NOP14: variants seen among roughly 807,000 people sequenced by gnomAD.
The protein encoded by NOP14 is nucleolar protein 14.
A neutral mutation model predicts 101.6 loss-of-function variants in NOP14; 57 were observed. The ratio of observed to expected loss-of-function variants is 0.56; its 90% confidence interval spans 0.45 to 0.70. The LOEUF (loss-of-function observed/expected upper bound fraction) is 0.70, where lower values mean the gene tolerates loss of function less well. Among genes scored for constraint, NOP14 ranks in the 30% least tolerant of loss-of-function variants. The pLI, the probability that NOP14 is intolerant of heterozygous loss-of-function variation, is 0.00. For missense variants in NOP14, 1,134 were observed against 1,075.5 expected, an observed-to-expected ratio of 1.05 and a Z score of -0.76; for synonymous variants, 428 against 424.0, an observed-to-expected ratio of 1.01 and a Z score of -0.12.
chr4:2,954,341 G>A lies in NOP14; in HGVS notation c.612+83C>T. Reference sequence around the variant, plus strand: ...TAAAATATTAAACACAGCCTAAAAAGGTACAGGAAAAAAAAGCTCAAACAC... The same window carrying A: ...TAAAATATTAAACACAGCCTAAAAAAGTACAGGAAAAAAAAGCTCAAACAC... On this transcript the variant is annotated intron_variant, in intron 4 of 17. Transcript: ENST00000416614. 16 of 1,479,830 alleles carry A rather than the reference G, an allele frequency of 1.1e-5. No individual in the cohort carries two copies. In the South Asian group the frequency reaches 1.4e-4, roughly 13 times the overall value. 91.7% of individuals were successfully genotyped at this position (1,479,830 alleles called of 1,614,324 possible). A position where few individuals can be genotyped will look rare whatever the true frequency, so the allele number is the denominator to read the frequency against.
chr4:2,955,263 G>A (rs1426644858), intron 3 of NOP14, among the ~76,000 whole-genome samples: 2 of 31,838 alleles, frequency 6.3e-5, no homozygotes, highest in Non-Finnish European at 1.1e-4. Context: ...CCTGCACCAC[G>A]GCGCCCTCTA....
Position 2,942,280 on chromosome 4 carries a change from C to G in NOP14, c.1963G>C (p.Asp655His). ...CTGCTCTGCTGCCACGTGGCCACAT[C>G]CTCTCTAGCAGACACCACGAGCAGT... ...SELLVVSARE[D>H]VATWQQSSLS... Residue 655 changes from aspartate to histidine, a missense_variant, in exon 14 of 18, where the codon GAT (aspartate) becomes CAT (histidine). By Grantham distance (81) the Asp-to-His change is moderately conservative (BLOSUM62 -1). Coordinates refer to ENST00000416614, the MANE Select transcript of NOP14 (RefSeq NM_001291978.2). 6.2e-7 allele frequency: 1 copy of G among 1,614,172 alleles called. No individual in the cohort carries two copies.
At chr4:2,961,982 G>C (rs935674355) in intron 1 of NOP14, among the ~76,000 whole-genome samples, 1 of 152,314 alleles carries the variant, frequency 6.6e-6, no homozygotes, top group African/African-American at 2.4e-5. Flanking sequence ...ACCTGAGCTG[G>C]CCCTTTAGAG....
chr4:2,954,443 G>A lies in NOP14; in HGVS notation c.593C>T (p.Ala198Val). 1 of 1,614,066 alleles carries A rather than the reference G, an allele frequency of 6.2e-7. No homozygotes were observed. Among genetic ancestry groups the A allele is most frequent in the Non-Finnish European group, 8.5e-7 (1 of 1,179,964 alleles). The part of the protein sequence containing the change: ...SRKELIEELI[A>V]KSKQEKRERQ... ...ACCCACCTTCTCTTGTTTTGACTTGGCAATGAGCTCTTCAATCAGCTCTTT... is the reference window on the plus strand; with the variant it reads ...ACCCACCTTCTCTTGTTTTGACTTGACAATGAGCTCTTCAATCAGCTCTTT... The change falls in exon 4 of 18, where the codon GCC (alanine) becomes GTC (valine). Residue 198 changes from alanine to valine, a missense_variant. Physicochemically the swap from Ala to Val is moderately conservative, Grantham distance 64. Transcript: ENST00000416614.
Position 2,957,660 on chromosome 4 carries a change from G to A in NOP14, c.276C>T (p.Asn92=). 2 of 1,614,120 alleles carry A rather than the reference G, an allele frequency of 1.2e-6. No individual in the cohort carries two copies. The highest frequency in any genetic ancestry group is 1.3e-5 in the African/African-American group (1 of 75,034). The part of the protein sequence containing the change: ...VFRDKRFGEY[N]SNMSPEEKMM... ...TCTTCTCCTCGGGGCTCATGTTGCT[G>A]TTGTATTCTCCGAAGCGTTTATCTC... The change falls in exon 2 of 18, where the codon AAC becomes AAT. Residue 92 remains asparagine (N), a synonymous_variant. Transcript: ENST00000416614.
chr4:2,946,140 CACTCCAGA>C (rs1714616329), intron 11 of NOP14, among the ~76,000 whole-genome samples: 4 of 138,766 alleles, frequency 2.9e-5, no homozygotes, highest in African/African-American at 1.1e-4. Context: ...GCCGTGCACT[CACTCCAGA>C]TCACCCTCAC....
intron 5 of NOP14, among the ~76,000 whole-genome samples, chr4:2,952,994 CTAAGT>C (rs1715129301): frequency 6.6e-6 from 1 of 152,194 alleles, no homozygotes; most frequent in South Asian, 2.1e-4. Flanking sequence ...ACGTGGGAAA[CTAAGT>C]AAAGTAACGG....
intron 1 of NOP14, among the ~76,000 whole-genome samples, chr4:2,962,369 G>T (rs1031988582): frequency 5.3e-5 from 8 of 152,244 alleles, no homozygotes; most frequent in Admixed American, 3.9e-4. Context: ...TGTCGTCTTC[G>T]CGCAGTAAGG....
intron 1 of NOP14, among the ~76,000 whole-genome samples, chr4:2,959,666 C>T (rs139328634): frequency 6.6e-6 from 1 of 152,098 alleles, no homozygotes; most frequent in Admixed American, 6.5e-5. Flanking sequence ...CTAAAGACAG[C>T]GAGTGTCCCC....
At chr4:2,956,562 T>A in intron 3 of NOP14, 108 bp downstream of exon 3, 1 of 1,102,190 alleles carries the variant, frequency 9.1e-7, no homozygotes, top group Admixed American at 2.7e-5. Flanking sequence ...CAGTAAAACT[T>A]TCATGCAATA....
chr4:2,953,948 A>G lies in NOP14; in HGVS notation c.613-303T>C, dbSNP rs972353689. ...TAAAACCAGCAACAACAAAAAACCCATCCGCGCCAGGTGCAGTGGCCCACC... is the reference window on the plus strand; with the variant it reads ...TAAAACCAGCAACAACAAAAAACCCGTCCGCGCCAGGTGCAGTGGCCCACC... On this transcript the variant is annotated intron_variant, in intron 4 of 17. Coordinates refer to ENST00000416614, the MANE Select transcript of NOP14 (RefSeq NM_001291978.2). Among the ~76,000 whole-genome samples the G allele has an allele frequency of 2.0e-5, 3 of 152,372 alleles. No individual in the cohort carries two copies. The South Asian group carries it at 6.2e-4, about 32-fold the overall frequency.
chr4:2,953,512 T>G lies in NOP14; in HGVS notation c.746A>C (p.Lys249Thr). 1.2e-6 allele frequency: 2 copies of G among 1,614,058 alleles called. No homozygotes were observed. Among genetic ancestry groups the G allele is most frequent in the Non-Finnish European group, 1.7e-6 (2 of 1,179,986 alleles). The change falls in exon 5 of 18, where the codon AAG becomes ACG. Residue 249 changes from lysine to threonine, a missense_variant and splice_region_variant. Lys to Thr is a moderately conservative substitution (Grantham distance 78). Transcript: ENST00000416614. ...TTTGTTTCAGTACTTGGCTCCCACC[T>G]TGGGTTTTTCCTTTTTGTCTCTGTT... ...SENRDKKEKP[K>T]PDAYDMMVRE...
chr4:2,939,436 T>G, intron 16 of NOP14, 91 bp downstream of exon 16: 1 of 1,601,278 alleles, frequency 6.2e-7, no homozygotes, highest in Non-Finnish European at 8.6e-7. Flanking sequence ...TCCGTAGTCA[T>G]CTGCTCAACT....
At chr4:2,953,412 G>A in intron 5 of NOP14, 99 bp downstream of exon 5, 1 of 1,321,406 alleles carries the variant, frequency 7.6e-7, no homozygotes, top group Non-Finnish European at 1.1e-6. Context: ...CCCTAAAGGA[G>A]ACAGGTAGAA....
intron 4 of NOP14, 42 bp downstream of exon 4, chr4:2,954,382 T>C: frequency 6.2e-7 from 1 of 1,604,562 alleles, no homozygotes; most frequent in Non-Finnish European, 8.5e-7. Flanking sequence ...GGTGAGCCTG[T>C]CTTACCGTGG....
chr4:2,944,414 T>TC (rs1244406462), intron 12 of NOP14, among the ~76,000 whole-genome samples, 188 bp from the exon 13 acceptor site: 1 of 151,512 alleles, frequency 6.6e-6, no homozygotes, highest in African/African-American at 2.4e-5. Context: ...TTTAGTGATT[T>TC]TTTTTTCCCG....
intron 1 of NOP14, among the ~76,000 whole-genome samples, chr4:2,960,126 C>G (rs1176303362): frequency 6.6e-6 from 1 of 152,142 alleles, no homozygotes; most frequent in Non-Finnish European, 1.5e-5. Flanking sequence ...CACGCTGCCA[C>G]GCCCAGCTAA....
chr4:2,947,690 A>C, intron 9 of NOP14, 79 bp from the exon 10 acceptor site: 1 of 1,184,492 alleles, frequency 8.4e-7, no homozygotes, highest in Non-Finnish European at 1.3e-6. Flanking sequence ...CTTCTGGATC[A>C]CGTACATTCT....
rs370960979 is a variant in NOP14, at chr4:2,952,232, C to T, written c.870+43G>A. ...AAAATGGAGCAGAAGGGGCTGTGGACGGACAGCAGCACAGCCCTGCTCCTG... is the reference window on the plus strand; with the variant it reads ...AAAATGGAGCAGAAGGGGCTGTGGATGGACAGCAGCACAGCCCTGCTCCTG... On this transcript the variant is annotated intron_variant, in intron 6 of 17. Transcript: ENST00000416614. 105 of 1,600,616 alleles carry T rather than the reference C, an allele frequency of 6.6e-5. No homozygotes were observed. In the African/African-American group the frequency reaches 9.6e-4, roughly 15 times the overall value.
Sources: gnomAD v4.1 joint callset for allele counts (sites outside exome capture counted in the v4.1 genomes callset) on GRCh38, gnomAD v4.1.1 for gene constraint, MANE v1.5 for transcripts, NCBI Gene and HGNC (gene_info 2026-07-23, HGNC 2026-07-21) for gene names.